The following KLHL32 variants were observed in gnomAD, a reference collection of about 807,000 sequenced individuals.
KLHL32 encodes kelch-like protein 32.
A neutral mutation model predicts 64.8 loss-of-function variants in KLHL32; 35 were observed. The ratio of observed to expected loss-of-function variants is 0.54; its 90% confidence interval spans 0.41 to 0.72. The LOEUF (loss-of-function observed/expected upper bound fraction) is 0.72, where lower values mean the gene tolerates loss of function less well. Among genes scored for constraint, KLHL32 ranks in the 30% least tolerant of loss-of-function variants. The pLI, the probability that KLHL32 is intolerant of heterozygous loss-of-function variation, is 0.00. For synonymous variants in KLHL32, 259 were observed against 281.0 expected, an observed-to-expected ratio of 0.92 and a Z score of 0.78; for missense variants, 589 against 768.5, an observed-to-expected ratio of 0.77 and a Z score of 2.76.
the KLHL32 span, among the ~76,000 whole-genome samples, chr6:96,908,655 G>C: frequency 1.3e-5 from 2 of 152,130 alleles, no homozygotes; most frequent in African/African-American, 4.8e-5. Flanking sequence ...TGATCACTTT[G>C]AATTATAGGA....
At chr6:96,982,783 G>C (rs964425528) in intron 3 of KLHL32, among the ~76,000 whole-genome samples, 1 of 152,224 alleles carries the variant, frequency 6.6e-6, no homozygotes, top group East Asian at 1.9e-4. Context: ...ATTTTGGGCT[G>C]AGACGATGGG....
Position 97,114,383 on chromosome 6 carries a change from C to CG in KLHL32, c.1229dup (p.Gln411ProfsTer7). On this transcript the variant is annotated frameshift_variant, in exon 7 of 11. Transcript: ENST00000369261. LOFTEE classifies it high-confidence loss of function. ...TGCAGTTGGGGGCAGAAATGAACTG[C>CG]GCCAGGTTCTGCCTACAGTTGAGCG... The CG allele has an allele frequency of 1.9e-6, 3 of 1,614,186 alleles. No homozygotes were observed. Among genetic ancestry groups the CG allele is most frequent in the Non-Finnish European group, 2.5e-6 (3 of 1,180,036 alleles).
chr6:97,005,102 G>T (rs992565936), intron 3 of KLHL32, among the ~76,000 whole-genome samples: 4 of 152,028 alleles, frequency 2.6e-5, no homozygotes, highest in African/African-American at 9.7e-5. Flanking sequence ...CTGTGAATCT[G>T]TCTGGTCCTG....
At chr6:96,975,900 C>A in intron 2 of KLHL32, 97 bp from the exon 3 acceptor site, 2 of 884,592 alleles carry the variant, frequency 2.3e-6, no homozygotes, top group Non-Finnish European at 1.6e-6. Flanking sequence ...TGCACTGGAA[C>A]CCGTGTTGCC....
At chr6:96,939,576 G>T (rs1771028653) in intron 1 of KLHL32, among the ~76,000 whole-genome samples, 1 of 152,176 alleles carries the variant, frequency 6.6e-6, no homozygotes, top group Non-Finnish European at 1.5e-5. Flanking sequence ...CATCAGTGAG[G>T]CAAAATGGAG....
At chr6:97,104,336 C>A (rs1441617137) in intron 6 of KLHL32, among the ~76,000 whole-genome samples, 1 of 151,920 alleles carries the variant, frequency 6.6e-6, no homozygotes, top group Non-Finnish European at 1.5e-5. Flanking sequence ...GAAATAGACA[C>A]CTTTAGTTGC....
At chr6:97,133,194 G>A (rs1201867034) in intron 10 of KLHL32, among the ~76,000 whole-genome samples, 1 of 152,210 alleles carries the variant, frequency 6.6e-6, no homozygotes, top group South Asian at 2.1e-4. Flanking sequence ...GCTGTGAGCA[G>A]TAGTGGTTTA....
intron 2 of KLHL32, among the ~76,000 whole-genome samples, chr6:96,971,853 AT>A (rs1554208073): frequency 7.9e-5 from 12 of 151,752 alleles, no homozygotes; most frequent in Non-Finnish European, 1.5e-4. Flanking sequence ...GTAAAAAAAA[AT>A]TTTTTTTCTG....
intron 1 of KLHL32, among the ~76,000 whole-genome samples, chr6:96,939,538 TC>T (rs937433814): frequency 6.6e-6 from 1 of 152,140 alleles, no homozygotes; most frequent in African/African-American, 2.4e-5. Context: ...GAGGAAGCCT[TC>T]CCTAAGGGGG....
At chr6:97,048,545 C>T (rs936013363) in intron 4 of KLHL32, among the ~76,000 whole-genome samples, 6 of 152,230 alleles carry the variant, frequency 3.9e-5, no homozygotes, top group Admixed American at 1.3e-4. Flanking sequence ...TCAGAGGTCT[C>T]ACCATAGTAA....
intron 3 of KLHL32, among the ~76,000 whole-genome samples, chr6:97,020,070 G>A (rs1352563423): frequency 1.3e-5 from 2 of 151,496 alleles, no homozygotes; most frequent in African/African-American, 2.4e-5. Context: ...AGCCTGCCAA[G>A]TAACTGGGAT....
chr6:97,132,371 T>G (rs1025480771), intron 9 of KLHL32, among the ~76,000 whole-genome samples: 1 of 152,228 alleles, frequency 6.6e-6, no homozygotes, highest in Admixed American at 6.5e-5. Context: ...TAGCATAGAA[T>G]TCAGTTCTAC....
chr6:97,018,612 A>T (rs1268249906), intron 3 of KLHL32, among the ~76,000 whole-genome samples: 1 of 152,076 alleles, frequency 6.6e-6, no homozygotes, highest in Non-Finnish European at 1.5e-5. Context: ...AAAAAAAAAA[A>T]AAATCAATCC....
At chr6:96,985,808 A>G (rs144222190) in intron 3 of KLHL32, among the ~76,000 whole-genome samples, 3,409 of 152,090 alleles carry the variant, frequency 0.022, 81 homozygotes, top group African/African-American at 0.063. Context: ...CTTCTTTGCC[A>G]TGGGTACGAA....
intron 4 of KLHL32, among the ~76,000 whole-genome samples, chr6:97,053,992 T>C (rs1787379189): frequency 6.6e-6 from 1 of 152,134 alleles, no homozygotes; most frequent in African/African-American, 2.4e-5. Flanking sequence ...GGAATTCTTT[T>C]TTCCTTAAAA....
intron 3 of KLHL32, among the ~76,000 whole-genome samples, chr6:97,015,289 AG>A (rs1582713129): frequency 2.0e-5 from 3 of 152,194 alleles, no homozygotes; most frequent in Non-Finnish European, 4.4e-5. Flanking sequence ...AAAATATGGA[AG>A]CAACTTTGGA....
intron 3 of KLHL32, among the ~76,000 whole-genome samples, chr6:97,038,532 G>A (rs1784629393): frequency 6.6e-6 from 1 of 152,094 alleles, no homozygotes; most frequent in South Asian, 2.1e-4. Flanking sequence ...CAATGATATG[G>A]AGAAAGGGGA....
chr6:97,025,282 GC>G, intron 3 of KLHL32: 1 of 254,956 alleles, frequency 3.9e-6, no homozygotes, highest in Non-Finnish European at 6.2e-6. Flanking sequence ...CTTTTCATTA[GC>G]CCATCTGATG....
intron 7 of KLHL32, among the ~76,000 whole-genome samples, chr6:97,123,158 A>G (rs1798537313): frequency 6.6e-6 from 1 of 152,150 alleles, no homozygotes; most frequent in Non-Finnish European, 1.5e-5. Flanking sequence ...GACTTGACCC[A>G]GTCTGACCAT....
Sources: gnomAD v4.1 joint callset for allele counts (sites outside exome capture counted in the v4.1 genomes callset) on GRCh38, gnomAD v4.1.1 for gene constraint, MANE v1.5 for transcripts, NCBI Gene and HGNC (gene_info 2026-07-23, HGNC 2026-07-21) for gene names.